Variants in CP observed in about 807,000 individuals in gnomAD.
The protein encoded by CP is ceruloplasmin.
CP carries 64 observed loss-of-function variants against 122.4 expected under a neutral mutation model. The observed-to-expected ratio is 0.52, with a 90% CI of 0.43 to 0.64. The LOEUF (loss-of-function observed/expected upper bound fraction) is 0.64, where lower values mean the gene tolerates loss of function less well. CP is among the 30% of genes least tolerant of loss of function. The pLI, the probability that CP is intolerant of heterozygous loss-of-function variation, is 0.00. For missense variants in CP, 1,167 were observed against 1,284.4 expected (o/e 0.91, Z 1.40); for synonymous variants, 440 against 436.4 (o/e 1.01, Z -0.10).
downstream of CP, among the ~76,000 whole-genome samples, chr3:149,169,885 T>C (rs1724804557): frequency 1.3e-5 from 2 of 152,204 alleles, no homozygotes; most frequent in African/African-American, 4.8e-5. Flanking sequence ...CTTTGACAAA[T>C]ATTTTCTAGA....
chr3:149,167,437 ATAT>A (rs1403688763), intron 4 of CP, among the ~76,000 whole-genome samples: 2 of 146,428 alleles, frequency 1.4e-5, no homozygotes, highest in South Asian at 2.2e-4. Context: ...TGGAGATGGT[ATAT>A]TATCATCATT....
At chr3:149,166,915 G>A (rs1724481863) in intron 4 of CP, 1 of 783,958 alleles carries the variant, frequency 1.3e-6, no homozygotes, top group Non-Finnish European at 2.3e-6. Context: ...CTCTAATATG[G>A]CATTCTTTCT....
At position 149,198,538 on chromosome 3, in the gene CP, T is replaced by C; in HGVS notation, c.1542A>G (p.Thr514=). ...PSASHVAPTE[T]FTYEWTVPKE... ...TGGGGACAGTCCATTCATAGGTGAA[T>C]GTTTCTGTGGGTGCCACATGGGAGG... is the stretch of plus-strand genomic sequence containing the variant. The change falls in exon 9 of 19, where the codon ACA becomes ACG. Residue 514 remains threonine (T), a synonymous_variant. Transcript: ENST00000264613. 1 of 1,614,116 alleles carries C rather than the reference T, an allele frequency of 6.2e-7. No individual in the cohort carries two copies. The highest frequency in any genetic ancestry group is 1.1e-5 in the South Asian group (1 of 91,084).
intron 18 of CP, among the ~76,000 whole-genome samples, chr3:149,175,457 A>T (rs868109238): frequency 6.6e-6 from 1 of 152,094 alleles, no homozygotes; most frequent in Admixed American, 6.6e-5. Flanking sequence ...ATATATTTAC[A>T]TTTATATTTT....
chr3:149,202,329 T>C (rs1234836182), intron 6 of CP, 88 bp from the exon 7 acceptor site: 1 of 1,535,188 alleles, frequency 6.5e-7, no homozygotes, highest in African/African-American at 1.4e-5. Context: ...AGAGAAAAAT[T>C]CTGACCAGTG....
At chr3:149,170,842 T>A (rs1049034950), downstream of CP, among the ~76,000 whole-genome samples, 3 of 152,196 alleles carry the variant, frequency 2.0e-5, no homozygotes, top group African/African-American at 7.2e-5. Flanking sequence ...ATAGAAGATG[T>A]AAGACCAAGT....
At chr3:149,186,168 T>C in intron 11 of CP, 1 of 344,688 alleles carries the variant, frequency 2.9e-6, no homozygotes, top group South Asian at 2.7e-5. Context: ...AGAGACATGA[T>C]GAAAAGTTTA....
chr3:149,164,663 G>A (rs1188287477), intron 5 of CP, among the ~76,000 whole-genome samples: 2 of 152,196 alleles, frequency 1.3e-5, no homozygotes, highest in African/African-American at 2.4e-5. Context: ...AGAATTCTGA[G>A]TTTCAAGTCA....
intron 9 of CP, among the ~76,000 whole-genome samples, chr3:149,189,868 A>G (rs1290232302): frequency 2.6e-5 from 4 of 152,184 alleles, no homozygotes; most frequent in African/African-American, 4.8e-5. Flanking sequence ...TAAAAAAAGA[A>G]TGTCATTTTT....
At chr3:149,220,497 G>A (rs935404818) in intron 1 of CP, among the ~76,000 whole-genome samples, 8 of 141,278 alleles carry the variant, frequency 5.7e-5, no homozygotes, top group Non-Finnish European at 1.2e-4. Context: ...GGTTAAAAAA[G>A]AAATAATTAC....
At chr3:149,206,117 T>C (rs778660359) in intron 6 of CP, 51 bp downstream of exon 6, 1 of 1,560,718 alleles carries the variant, frequency 6.4e-7, no homozygotes, top group Admixed American at 1.7e-5. Flanking sequence ...TGTAGTTCCT[T>C]TGTGCGGGGG....
intron 14 of CP, 30 bp downstream of exon 14, chr3:149,181,975 C>CGGGGGGGG: frequency 9.2e-6 from 10 of 1,088,420 alleles, no homozygotes; most frequent in Admixed American, 1.8e-5. Flanking sequence ...TGTTAAAATG[C>CGGGGGGGG]ACCACCCCCA....
At position 149,162,821 on chromosome 3, in the gene CP, G is replaced by T. The variant is rs1210901974; in HGVS notation, c.*68C>A. On this transcript the variant is annotated 3_prime_UTR_variant, in exon 6 of 6. Coordinates refer to the CP transcript ENST00000479771. The stretch of plus-strand genomic sequence containing the variant: ...TCAAACTCACATCACAGTACATCTG[G>T]AGATTGTCTAAGAGGCAGCCTCCTG... 24 of 1,613,952 alleles carry T rather than the reference G, an allele frequency of 1.5e-5. No homozygotes were observed. The highest frequency in any genetic ancestry group is 1.9e-5 in the Non-Finnish European group (22 of 1,179,984).
chr3:149,185,118 TG>T, intron 12 of CP, 120 bp downstream of exon 12: 1 of 791,832 alleles, frequency 1.3e-6, no homozygotes, highest in Non-Finnish European at 2.1e-6. Flanking sequence ...TTGTTGTTGT[TG>T]TTGTTGTTAT....
chr3:149,211,254 A>G (rs1469787902), intron 2 of CP, among the ~76,000 whole-genome samples: 1 of 152,244 alleles, frequency 6.6e-6, no homozygotes, highest in Non-Finnish European at 1.5e-5. Flanking sequence ...TATAATTTCA[A>G]TGAACTGTAG....
At chr3:149,216,465 C>T (rs1229988863) in intron 1 of CP, among the ~76,000 whole-genome samples, 1 of 152,206 alleles carries the variant, frequency 6.6e-6, no homozygotes, top group East Asian at 1.9e-4. Context: ...AAGTCAGCTT[C>T]AGTGTGTGGA....
chr3:149,201,972 T>C, intron 7 of CP, 130 bp downstream of exon 7: 3 of 1,172,498 alleles, frequency 2.6e-6, no homozygotes, highest in East Asian at 4.7e-5. Context: ...TGCATTTTAT[T>C]GTTTTATCTT....
At chr3:149,170,194 G>C (rs1333631933), downstream of CP, among the ~76,000 whole-genome samples, 2 of 152,128 alleles carry the variant, frequency 1.3e-5, no homozygotes, top group Admixed American at 6.5e-5. Flanking sequence ...GACCTTCTTG[G>C]AGTGATAACC....
chr3:149,183,329 A>G, intron 13 of CP, 137 bp downstream of exon 13: 2 of 764,842 alleles, frequency 2.6e-6, no homozygotes, highest in Non-Finnish European at 4.3e-6. Context: ...TCATTAGATA[A>G]CTAATTTTTA....
Sources: gnomAD v4.1 joint callset for allele counts (sites outside exome capture counted in the v4.1 genomes callset) on GRCh38, gnomAD v4.1.1 for gene constraint, MANE v1.5 for transcripts, NCBI Gene and HGNC (gene_info 2026-07-23, HGNC 2026-07-21) for gene names.